STX8: variants seen among roughly 807,000 people sequenced by gnomAD.
STX8 encodes the protein syntaxin 8.
A neutral mutation model predicts 37.5 loss-of-function variants in STX8; 23 were observed. The observed-to-expected ratio is 0.61, with a 90% CI of 0.44 to 0.87. The LOEUF is 0.87. STX8 is among the 40% of genes least tolerant of loss of function. The pLI is 0.00. For missense variants in STX8, 313 were observed against 284.7 expected, an observed-to-expected ratio of 1.10 and a Z score of -0.71; for synonymous variants, 115 against 99.1, an observed-to-expected ratio of 1.16 and a Z score of -0.95.
intron 6 of STX8, among the ~76,000 whole-genome samples, chr17:9,429,091 C>G (rs929210598): frequency 1.3e-5 from 2 of 151,932 alleles, no homozygotes; most frequent in African/African-American, 2.4e-5. Flanking sequence ...ACCAGAACAT[C>G]CCAATCCCTT....
At chr17:9,259,655 C>A (rs1433760657) in intron 7 of STX8, among the ~76,000 whole-genome samples, 1 of 152,142 alleles carries the variant, frequency 6.6e-6, no homozygotes. Flanking sequence ...GCAGGCAGAA[C>A]ACAGCCAAGT....
intron 6 of STX8, among the ~76,000 whole-genome samples, chr17:9,421,662 C>A (rs761013099): frequency 3.3e-5 from 5 of 151,814 alleles, no homozygotes; most frequent in Non-Finnish European, 5.9e-5. Flanking sequence ...ACATCTGCAA[C>A]ACTGAACAAT....
At chr17:9,488,850 TGA>T (rs1245293100) in intron 6 of STX8, among the ~76,000 whole-genome samples, 1 of 100,542 alleles carries the variant, frequency 9.9e-6, no homozygotes, top group African/African-American at 3.8e-5. Context: ...GTGTGTGTTT[TGA>T]GAGTCTCTCG....
chr17:9,545,109 G>T, intron 4 of STX8, 63 bp downstream of exon 4: 1 of 1,024,654 alleles, frequency 9.8e-7, no homozygotes, highest in Non-Finnish European at 1.5e-6. Flanking sequence ...TCAGGAAACA[G>T]CTGTAGTATC....
chr17:9,568,869 CAG>C (rs1907568994), intron 1 of STX8, among the ~76,000 whole-genome samples: 6 of 152,142 alleles, frequency 3.9e-5, no homozygotes, highest in Admixed American at 3.9e-4. Context: ...AGAATTCAAA[CAG>C]AGGGGAAGAA....
intron 7 of STX8, among the ~76,000 whole-genome samples, chr17:9,339,070 C>CAAAAA (rs34987749): frequency 1.4e-5 from 1 of 70,024 alleles, no homozygotes; most frequent in Non-Finnish European, 2.7e-5. Flanking sequence ...GACTCCGTCT[C>CAAAAA]AAAAAAAAAA....
intron 7 of STX8, among the ~76,000 whole-genome samples, chr17:9,346,620 T>C (rs1352557284): frequency 6.6e-6 from 1 of 152,294 alleles, no homozygotes; most frequent in East Asian, 1.9e-4. Context: ...TGAGGGTTGA[T>C]TTCACATGCA....
intron 6 of STX8, among the ~76,000 whole-genome samples, chr17:9,383,771 CACAT>C (rs1351370671): frequency 6.6e-6 from 1 of 151,996 alleles, no homozygotes; most frequent in African/African-American, 2.4e-5. Flanking sequence ...AATAAATTTG[CACAT>C]ACAGTCAATA....
intron 4 of STX8, among the ~76,000 whole-genome samples, chr17:9,528,242 A>G (rs1050289081): frequency 1.3e-5 from 2 of 152,206 alleles, no homozygotes; most frequent in African/African-American, 4.8e-5. Flanking sequence ...ACTTGAGGAG[A>G]AAGGCACTGG....
intron 6 of STX8, among the ~76,000 whole-genome samples, chr17:9,383,713 A>T (rs529662552): frequency 6.6e-6 from 1 of 152,368 alleles, no homozygotes; most frequent in Admixed American, 6.5e-5. Context: ...GTACACCCAG[A>T]AAACGATAAA....
Position 9,381,280 on chromosome 17 carries a change from C to T in STX8, c.542-2627G>A, listed in dbSNP as rs112089674. ...TTTTCCTCCCTCCTTCTCCCTCCTTCCTGTTTTTATAGTGACTGCTTTGGA... is the reference window on the plus strand; with the variant it reads ...TTTTCCTCCCTCCTTCTCCCTCCTTTCTGTTTTTATAGTGACTGCTTTGGA... On this transcript the variant is annotated intron_variant, in intron 6 of 7. Coordinates refer to ENST00000306357, the MANE Select transcript of STX8 (RefSeq NM_004853.3). 3.6e-3 allele frequency among the ~76,000 whole-genome samples: 542 copies of T among 151,156 alleles called. 1 individual carries two copies. The highest frequency in any genetic ancestry group is 0.01 in the Middle Eastern group (3 of 294).
intron 7 of STX8, among the ~76,000 whole-genome samples, chr17:9,356,753 A>C (rs901897269): frequency 6.6e-6 from 1 of 152,144 alleles, no homozygotes; most frequent in African/African-American, 2.4e-5. Flanking sequence ...CAGAACGAGC[A>C]AGGCAGGCCT....
chr17:9,429,191 A>G (rs1913751425), intron 6 of STX8, among the ~76,000 whole-genome samples: 1 of 151,038 alleles, frequency 6.6e-6, no homozygotes, highest in African/African-American at 2.4e-5. Flanking sequence ...ATAATTACAT[A>G]GTTTTTGGAA....
At chr17:9,401,808 T>C (rs374393596) in intron 6 of STX8, among the ~76,000 whole-genome samples, 1 of 152,206 alleles carries the variant, frequency 6.6e-6, no homozygotes, top group African/African-American at 2.4e-5. Flanking sequence ...AAGTTAACCA[T>C]GTACTCTTGT....
intron 6 of STX8, among the ~76,000 whole-genome samples, chr17:9,409,019 A>G (rs1262306367): frequency 6.6e-6 from 1 of 150,726 alleles, no homozygotes. Flanking sequence ...TACCCCCCCT[A>G]CTGCTCAGAA....
chr17:9,341,051 A>T (rs1328479179), intron 7 of STX8, among the ~76,000 whole-genome samples: 3 of 149,042 alleles, frequency 2.0e-5, no homozygotes, highest in Non-Finnish European at 4.5e-5. Flanking sequence ...GTAAAATTTA[A>T]AATTGTAAAT....
At chr17:9,314,340 T>C (rs1379581369) in intron 7 of STX8, among the ~76,000 whole-genome samples, 1 of 152,214 alleles carries the variant, frequency 6.6e-6, no homozygotes, top group Non-Finnish European at 1.5e-5. Flanking sequence ...GCTATACTTA[T>C]ACTACAGACT....
chr17:9,376,508 C>T lies in STX8; in HGVS notation c.643+2044G>A, dbSNP rs368821335. 1.8e-4 allele frequency among the ~76,000 whole-genome samples: 27 copies of T among 152,298 alleles called. No homozygotes were observed. In the East Asian group the frequency reaches 3.7e-3, roughly 21 times the overall value. On this transcript the variant is annotated intron_variant, in intron 7 of 7. Transcript: ENST00000306357. ...AATAGACCAATCAGCAGGACATGGG[C>T]GGAGCCAAAGAGAGGAATAAAATCA... is the stretch of plus-strand genomic sequence containing the variant.
chr17:9,452,953 C>T (rs1905088331), intron 6 of STX8, among the ~76,000 whole-genome samples: 1 of 151,852 alleles, frequency 6.6e-6, no homozygotes, highest in Non-Finnish European at 1.5e-5. Flanking sequence ...TTACAGGTGC[C>T]CACCACCACG....
Sources: gnomAD v4.1 joint callset for allele counts (sites outside exome capture counted in the v4.1 genomes callset) on GRCh38, gnomAD v4.1.1 for gene constraint, MANE v1.5 for transcripts, NCBI Gene and HGNC (gene_info 2026-07-23, HGNC 2026-07-21) for gene names.